Variants in PTPRC observed in about 807,000 individuals in gnomAD.
PTPRC encodes the protein protein tyrosine phosphatase receptor type C.
In PTPRC, 44 loss-of-function variants were observed where a neutral mutation model predicts 155.9. The ratio of observed to expected loss-of-function variants is 0.28; its 90% CI spans 0.22 to 0.36. The LOEUF is 0.36. Ranked by LOEUF, PTPRC falls within the 10% of genes least tolerant of loss-of-function variation. The pLI, the probability that PTPRC is intolerant of heterozygous loss-of-function variation, is 1.00. For missense variants in PTPRC, 1,401 were observed against 1,564.6 expected, an observed-to-expected ratio of 0.90 and a Z score of 1.76; for synonymous variants, 525 against 533.1, an observed-to-expected ratio of 0.98 and a Z score of 0.21.
In PTPRC at chr1:198,754,339, G is replaced by A; in HGVS notation, c.3580G>A (p.Val1194Ile). ...NLLESAETEE[V>I]VDIFQVVKAL... is the part of the protein sequence containing the mutation. ...CTTAGAAAGTGCGGAAACAGAAGAG[G>A]TAGTGGATATTTTTCAAGTGGTAAA... The change falls in exon 32 of 33, where the codon GTA (valine) becomes ATA (isoleucine). Residue 1194 changes from valine (V) to isoleucine (I), a missense_variant. Val to Ile is a conservative substitution (Grantham distance 29). Coordinates refer to ENST00000442510, the MANE Select transcript of PTPRC (RefSeq NM_002838.5). 1.9e-6 allele frequency: 3 copies of A among 1,613,168 alleles called. No homozygotes were observed. Among genetic ancestry groups the A allele is most frequent in the Non-Finnish European group, 1.7e-6 (2 of 1,179,382 alleles).
intron 8 of PTPRC, among the ~76,000 whole-genome samples, chr1:198,704,938 T>A (rs1193020917): frequency 6.6e-6 from 1 of 151,552 alleles, no homozygotes; most frequent in Non-Finnish European, 1.5e-5. Flanking sequence ...GAAAAAAAAA[T>A]GGAATAACAG....
At chr1:198,727,697 A>G (rs1222304079) in intron 15 of PTPRC, among the ~76,000 whole-genome samples, 1 of 152,144 alleles carries the variant, frequency 6.6e-6, no homozygotes, top group East Asian at 1.9e-4. Context: ...CATTTTCACT[A>G]CATAAGAAAA....
chr1:198,754,405 G>A lies in PTPRC; in HGVS notation c.3645+1G>A, dbSNP rs1284216509. The stretch of plus-strand genomic sequence containing the variant: ...TAGGCCAGGCATGGTTTCCACATTC[G>A]TAAGTATCCTTCACCATTGCTTTTA... On this transcript the variant is annotated splice_donor_variant, in intron 32 of 32. Coordinates refer to ENST00000442510, the MANE Select transcript of PTPRC (RefSeq NM_002838.5). LOFTEE classifies it high-confidence loss of function. 1.2e-6 allele frequency: 2 copies of A among 1,613,288 alleles called. No homozygotes were observed. Among genetic ancestry groups the A allele is most frequent in the Non-Finnish European group, 8.5e-7 (1 of 1,179,620 alleles).
At chr1:198,722,347 A>G (rs1202874664) in intron 14 of PTPRC, 69 bp from the exon 15 acceptor site, 10 of 686,122 alleles carry the variant, frequency 1.5e-5, no homozygotes, top group Non-Finnish European at 1.5e-5. Context: ...ATTGTGATAT[A>G]TAATATATAT....
chr1:198,705,231 C>T (rs1014241202), intron 8 of PTPRC, among the ~76,000 whole-genome samples: 2 of 151,820 alleles, frequency 1.3e-5, no homozygotes, highest in African/African-American at 4.8e-5. Flanking sequence ...GAGTCACTGC[C>T]TTCAGTAGCT....
intron 15 of PTPRC, among the ~76,000 whole-genome samples, chr1:198,725,378 TGAG>T (rs1571873015): frequency 6.6e-6 from 1 of 152,220 alleles, no homozygotes; most frequent in East Asian, 1.9e-4. Flanking sequence ...TCTTGGTGAC[TGAG>T]GAGATTTCCT....
At chr1:198,642,907 C>CTTGCTTT (rs1662686632) in intron 2 of PTPRC, among the ~76,000 whole-genome samples, 3 of 93,688 alleles carry the variant, frequency 3.2e-5, no homozygotes, top group African/African-American at 1.2e-4. Context: ...TTTCTTTCTT[C>CTTGCTTT]CTTTCTTTCT....
At chr1:198,740,996 C>T (rs1406297185) in intron 23 of PTPRC, among the ~76,000 whole-genome samples, 4 of 151,810 alleles carry the variant, frequency 2.6e-5, no homozygotes, top group Admixed American at 2.6e-4. Context: ...CATGGTATTA[C>T]TAATTGTTAT....
chr1:198,736,452 T>TGTC (rs1442682852), intron 23 of PTPRC, among the ~76,000 whole-genome samples: 4 of 151,770 alleles, frequency 2.6e-5, no homozygotes, highest in African/African-American at 9.7e-5. Flanking sequence ...TGTATTTCTG[T>TGTC]GTCTGGCTTA....
intron 7 of PTPRC, 109 bp downstream of exon 7, chr1:198,703,481 T>C (rs1196121091): frequency 3.4e-5 from 54 of 1,568,698 alleles, no homozygotes; most frequent in Non-Finnish European, 1.4e-5. Flanking sequence ...TTAAGTTGCA[T>C]TAAGTGTTTG....
chr1:198,732,835 C>A (rs1045004284), intron 20 of PTPRC, among the ~76,000 whole-genome samples: 11 of 151,898 alleles, frequency 7.2e-5, no homozygotes, highest in African/African-American at 2.6e-4. Flanking sequence ...ACTAAATATT[C>A]TATGCATATA....
At chr1:198,754,196 T>C in intron 31 of PTPRC, 73 bp from the exon 32 acceptor site, 1 of 1,484,670 alleles carries the variant, frequency 6.7e-7, no homozygotes, top group Admixed American at 1.7e-5. Context: ...TTCTCTCTCT[T>C]CCTGTTTTTA....
intron 2 of PTPRC, among the ~76,000 whole-genome samples, chr1:198,664,586 GC>G (rs1387702724): frequency 6.6e-6 from 1 of 152,108 alleles, no homozygotes; most frequent in Admixed American, 6.5e-5. Context: ...TGATACAGTG[GC>G]CTTTAATACT....
At chr1:198,711,512 A>G (rs1459616594) in intron 11 of PTPRC, among the ~76,000 whole-genome samples, 2 of 152,186 alleles carry the variant, frequency 1.3e-5, no homozygotes, top group African/African-American at 2.4e-5. Flanking sequence ...CCTAAATACT[A>G]AAGCTATAAT....
At chr1:198,681,988 C>T (rs1481197012) in intron 2 of PTPRC, among the ~76,000 whole-genome samples, 1 of 152,162 alleles carries the variant, frequency 6.6e-6, no homozygotes, top group East Asian at 1.9e-4. Flanking sequence ...TTGGTAGCGC[C>T]TGTGTGCTTA....
chr1:198,683,959 T>A (rs1665478765), intron 2 of PTPRC, among the ~76,000 whole-genome samples: 1 of 151,746 alleles, frequency 6.6e-6, no homozygotes, highest in African/African-American at 2.4e-5. Flanking sequence ...CATAAGTTTC[T>A]ATGCTTTTAA....
chr1:198,656,483 A>G (rs1663573180), intron 2 of PTPRC, among the ~76,000 whole-genome samples: 1 of 151,896 alleles, frequency 6.6e-6, no homozygotes, highest in South Asian at 2.1e-4. Context: ...TCCCCTACTC[A>G]AGTTTTTGCC....
chr1:198,695,361 T>C (rs1386048356), intron 3 of PTPRC, among the ~76,000 whole-genome samples: 1 of 151,170 alleles, frequency 6.6e-6, no homozygotes, highest in Non-Finnish European at 1.5e-5. Context: ...AGTTCAGTTT[T>C]TACCTAATTA....
Position 198,748,252 on chromosome 1 carries a change from G to C in PTPRC, c.2938+53G>C, listed in dbSNP as rs565973371. On this transcript the variant is annotated intron_variant, in intron 27 of 32. Transcript: ENST00000442510. ...TATCAGATAAAGTTAAGCTCTTTTGGATTTGTTTAATGTGGGACACACAGT... is the reference window on the plus strand; with the variant it reads ...TATCAGATAAAGTTAAGCTCTTTTGCATTTGTTTAATGTGGGACACACAGT... The C allele has an allele frequency of 2.5e-4, 382 of 1,549,564 alleles. 7 individuals carry two copies. The South Asian group carries it at 3.1e-3, about 12-fold the overall frequency.
Sources: gnomAD v4.1 joint callset for allele counts (sites outside exome capture counted in the v4.1 genomes callset) on GRCh38, gnomAD v4.1.1 for gene constraint, MANE v1.5 for transcripts, NCBI Gene and HGNC (gene_info 2026-07-23, HGNC 2026-07-21) for gene names.